WDR49: variants seen among roughly 807,000 people sequenced by gnomAD.
WDR49 encodes WD repeat domain 49.
In WDR49, 107 loss-of-function variants were observed where a neutral mutation model predicts 119.5. The ratio of observed to expected loss-of-function variants is 0.90; its 90% confidence interval spans 0.77 to 1.05. WDR49 has a LOEUF of 1.05. Ranked by LOEUF, WDR49 falls within the 50% of genes least tolerant of loss-of-function variation. The pLI is 0.00. For missense variants in WDR49, 1,240 were observed against 1,220.5 expected (o/e 1.02, Z -0.24); for synonymous variants, 425 against 418.8 (o/e 1.01, Z -0.18).
intron 8 of WDR49, among the ~76,000 whole-genome samples, chr3:167,574,405 C>T (rs943965975): frequency 1.3e-5 from 2 of 152,150 alleles, no homozygotes; most frequent in African/African-American, 4.8e-5. Flanking sequence ...AAATGTAACA[C>T]ATACAATGTT....
At position 167,560,103 on chromosome 3, in the gene WDR49, C is replaced by A. The variant is rs1577240166; in HGVS notation, c.1635G>T (p.Glu545Asp). The change falls in exon 9 of 19, where the codon GAG becomes GAT. Residue 545 changes from glutamate to aspartate, a missense_variant. Glu to Asp is a conservative substitution (Grantham distance 45). Coordinates refer to ENST00000682715, the MANE Select transcript of WDR49 (RefSeq NM_001366157.1). ...EISTMALDANETRLLTGSTDG... is the reference protein window; with the variant it reads ...EISTMALDANDTRLLTGSTDG... ...CTGTGCTGCCAGTCAAAAGCCGAGT[C>A]TCATTTGCATCAAGGGCCATAGTGC... 1 of 1,614,164 alleles carries A rather than the reference C, an allele frequency of 6.2e-7. No homozygotes were observed. Among genetic ancestry groups the A allele is most frequent in the Non-Finnish European group, 8.5e-7 (1 of 1,180,022 alleles).
At chr3:167,532,783 T>C (rs1033868600) in intron 12 of WDR49, 96 bp downstream of exon 12, 1 of 756,968 alleles carries the variant, frequency 1.3e-6, no homozygotes, top group African/African-American at 1.8e-5. Context: ...CAATCATCTA[T>C]AATTTAGGAT....
intron 2 of WDR49, among the ~76,000 whole-genome samples, chr3:167,629,801 G>A (rs777445530): frequency 1.3e-5 from 2 of 152,158 alleles, no homozygotes; most frequent in African/African-American, 2.4e-5. Context: ...AAGTAACTGC[G>A]GATGTGGTAG....
chr3:167,497,215 T>A (rs1486916481), intron 18 of WDR49, among the ~76,000 whole-genome samples: 1 of 152,182 alleles, frequency 6.6e-6, no homozygotes, highest in Non-Finnish European at 1.5e-5. Flanking sequence ...CTCTCGCAAG[T>A]AGTCATCAAT....
intron 18 of WDR49, among the ~76,000 whole-genome samples, chr3:167,489,337 C>A (rs1751038562): frequency 6.6e-6 from 1 of 152,052 alleles, no homozygotes; most frequent in Admixed American, 6.6e-5. Context: ...TTCCAGAGAC[C>A]TGGGGACCCT....
chr3:167,616,832 A>G (rs142512683), intron 5 of WDR49, among the ~76,000 whole-genome samples: 51 of 152,348 alleles, frequency 3.3e-4, no homozygotes, highest in African/African-American at 1.2e-3. Context: ...GATAAAGAGA[A>G]AATCTTATAA....
intron 7 of WDR49, among the ~76,000 whole-genome samples, chr3:167,579,054 G>T (rs796960054): frequency 1.3e-5 from 2 of 151,798 alleles, no homozygotes; most frequent in Non-Finnish European, 2.9e-5. Flanking sequence ...TCCCCTACTC[G>T]CACTTCTCTC....
chr3:167,621,684 G>GA (rs1716879228), intron 3 of WDR49, 41 bp from the exon 4 acceptor site: 1 of 1,478,004 alleles, frequency 6.8e-7, no homozygotes, highest in Admixed American at 2.3e-5. Flanking sequence ...AATTCTGATG[G>GA]ATTTAGCAAA....
intron 7 of WDR49, 121 bp downstream of exon 7, chr3:167,602,006 T>C (rs954834790): frequency 2.4e-6 from 3 of 1,249,874 alleles, no homozygotes; most frequent in Admixed American, 2.3e-5. Context: ...AAAACATAAG[T>C]AGCTAGCCAG....
intron 18 of WDR49, among the ~76,000 whole-genome samples, chr3:167,498,191 A>G: frequency 6.6e-6 from 1 of 152,216 alleles, no homozygotes; most frequent in East Asian, 1.9e-4. Context: ...ATGGGATGAC[A>G]GACTGAAATC....
chr3:167,640,459 T>A (rs1293901862), intron 2 of WDR49, among the ~76,000 whole-genome samples: 1 of 151,932 alleles, frequency 6.6e-6, no homozygotes, highest in East Asian at 1.9e-4. Context: ...CACCTCCAGC[T>A]TACTTAACCT....
chr3:167,609,267 A>T (rs987268185), intron 5 of WDR49, among the ~76,000 whole-genome samples: 1 of 152,168 alleles, frequency 6.6e-6, no homozygotes, highest in Non-Finnish European at 1.5e-5. Flanking sequence ...TTTTCACTTC[A>T]CATCGCTGAA....
At chr3:167,623,210 A>G (rs955866117) in intron 3 of WDR49, among the ~76,000 whole-genome samples, 10 of 152,120 alleles carry the variant, frequency 6.6e-5, no homozygotes, top group African/African-American at 2.4e-4. Flanking sequence ...TCCAATACTG[A>G]AACCAGACAA....
chr3:167,607,610 C>A (rs184336772), intron 5 of WDR49, among the ~76,000 whole-genome samples: 15 of 152,182 alleles, frequency 9.9e-5, no homozygotes, highest in African/African-American at 2.7e-4. Flanking sequence ...GAGACTGAAC[C>A]CAGTCCTGTG....
At chr3:167,592,943 A>G (rs944762228) in intron 7 of WDR49, among the ~76,000 whole-genome samples, 1 of 152,150 alleles carries the variant, frequency 6.6e-6, no homozygotes, top group Non-Finnish European at 1.5e-5. Context: ...CTGGCCTGTA[A>G]GATTTCCCTG....
rs145325439 is a variant in WDR49 at position 167,548,200 on chromosome 3, T to C, written c.1823+6450A>G. ...ACACAAAATTTCTTTCATAGATTTT[T>C]AGGCCTAAAATTAAAGAATTATACA... On this transcript the variant is annotated intron_variant, in intron 10 of 18. Transcript: ENST00000682715. Among the ~76,000 whole-genome samples the C allele has an allele frequency of 3.2e-3, 481 of 152,134 alleles. 1 individual carries two copies. Among genetic ancestry groups the C allele is most frequent in the African/African-American group, 0.011 (452 of 41,524 alleles).
intron 7 of WDR49, among the ~76,000 whole-genome samples, chr3:167,578,104 A>G (rs1331616867): frequency 1.3e-5 from 2 of 152,000 alleles, no homozygotes; most frequent in East Asian, 3.9e-4. Context: ...GCTTCCTCTT[A>G]CCCCTTTTCT....
At chr3:167,479,156 T>C (rs1459965913) in intron 18 of WDR49, among the ~76,000 whole-genome samples, 160 bp from the exon 19 acceptor site, 1 of 152,214 alleles carries the variant, frequency 6.6e-6, no homozygotes, top group African/African-American at 2.4e-5. Context: ...GCTTCTGCTA[T>C]TCTGTTTACT....
chr3:167,594,249 ACTT>A lies in WDR49; in HGVS notation c.1275+7875_1275+7877del, dbSNP rs369558801. ...ACAGGAGAATGTGGAAACATTTGGG[ACTT>A]CTTAGAGACTTGTCAAATTGTTTTG... On this transcript the variant is annotated intron_variant, in intron 7 of 18. Transcript: ENST00000682715. Among the ~76,000 whole-genome samples the A allele has an allele frequency of 3.3e-3, 508 of 152,290 alleles. 4 individuals carry two copies. The highest frequency in any genetic ancestry group is 0.011 in the African/African-American group (478 of 41,570).
Sources: gnomAD v4.1 joint callset for allele counts (sites outside exome capture counted in the v4.1 genomes callset) on GRCh38, gnomAD v4.1.1 for gene constraint, MANE v1.5 for transcripts, NCBI Gene and HGNC (gene_info 2026-07-23, HGNC 2026-07-21) for gene names.